The following TLCD2 variants were observed in gnomAD, a reference collection of about 807,000 sequenced individuals.
The protein encoded by TLCD2 is TLC domain containing 2.
In TLCD2, 12 loss-of-function variants were observed where a neutral mutation model predicts 14.0. The observed-to-expected ratio is 0.86, with a 90% CI of 0.55 to 1.39. The LOEUF (loss-of-function observed/expected upper bound fraction) is 1.39, where lower values mean the gene tolerates loss of function less well. TLCD2 is among the 40% of genes most tolerant of loss of function. The pLI is 0.00. For synonymous variants in TLCD2, 166 were observed against 156.5 expected, an observed-to-expected ratio of 1.06 and a Z score of -0.45; for missense variants, 360 against 346.8, an observed-to-expected ratio of 1.04 and a Z score of -0.30.
Position 1,710,270 on chromosome 17 carries a change from G to A in TLCD2, c.-28C>T. 1 of 1,453,842 alleles carries A rather than the reference G, an allele frequency of 6.9e-7. No homozygotes were observed. Among genetic ancestry groups the A allele is most frequent in the South Asian group, 1.4e-5 (1 of 73,452 alleles). The allele number at this position is 1,453,842 out of a possible 1,614,324, so 90.1% of individuals were successfully genotyped here. A position where few individuals can be genotyped will look rare whatever the true frequency, so the allele number is the denominator to read the frequency against. ...CCTGGCGGTTGGGGGGTTGCGGGGAGTCCGGGTCGGTCCCCTCGGCGCCCG... is the reference window on the plus strand; with the variant it reads ...CCTGGCGGTTGGGGGGTTGCGGGGAATCCGGGTCGGTCCCCTCGGCGCCCG... On this transcript the variant is annotated 5_prime_UTR_variant, in exon 1 of 4. Coordinates refer to ENST00000330676, the MANE Select transcript of TLCD2 (RefSeq NM_001164407.2). The surrounding 1 kb of genome is among the most constrained non-coding windows in gnomAD (Gnocchi z 6.1).
Position 1,709,890 on chromosome 17 carries a change from G to A in TLCD2, c.177-4C>T, listed in dbSNP as rs1306219192. The A allele has an allele frequency of 6.5e-7, 1 of 1,528,256 alleles. No individual in the cohort carries two copies. Among genetic ancestry groups the A allele is most frequent in the African/African-American group, 1.4e-5 (1 of 71,834 alleles). The allele number at this position is 1,528,256 out of a possible 1,614,324, so 94.7% of individuals were successfully genotyped here. On this transcript the variant is annotated splice_polypyrimidine_tract_variant and splice_region_variant and intron_variant, in intron 1 of 3. Coordinates refer to ENST00000330676, the MANE Select transcript of TLCD2 (RefSeq NM_001164407.2). The stretch of plus-strand genomic sequence containing the variant: ...CATCTGAGGGTACAGTGACAGGCTG[G>A]GGGCATGGGGTGGGGACATGGGGGG...
rs746555066 is a variant in TLCD2 at position 1,705,015 on chromosome 17, T to C, written c.*2755A>G. 5 of 152,094 alleles carry C rather than the reference T, an allele frequency of 3.3e-5. No homozygotes were observed. The highest frequency in any genetic ancestry group is 7.3e-5 in the Non-Finnish European group (5 of 68,054). The allele number at this position is 152,094 out of a possible 1,614,324, so 9.4% of individuals were successfully genotyped here. A position where few individuals can be genotyped will look rare whatever the true frequency, so the allele number is the denominator to read the frequency against. On this transcript the variant is annotated 3_prime_UTR_variant, in exon 4 of 4. Transcript: ENST00000330676. ...CCATGCCCAGCCTGGATATTTAAAT[T>C]GTTCTGTGCTCTCCTCCTTTTTTTT...
At position 1,710,127 on chromosome 17, in the gene TLCD2, C is replaced by T; in HGVS notation, c.116G>A (p.Trp39Ter). 2 of 1,533,592 alleles carry T rather than the reference C, an allele frequency of 1.3e-6. No individual in the cohort carries two copies. The highest frequency in any genetic ancestry group is 1.2e-5 in the South Asian group (1 of 83,970). 95.0% of individuals were successfully genotyped at this position (1,533,592 alleles called of 1,614,324 possible). ...CGCCAGGGAGACGCAGAGGTTCCAC[C>T]ACTGCCAGCGGTCCCGAGCGGCCGA... is the stretch of plus-strand genomic sequence containing the variant. Reference protein sequence around the residue: ...PESAARDRWQWWNLCVSLAHS... With the variant: ...PESAARDRWQ The change falls in exon 1 of 4, where the codon TGG becomes TAG. Residue 39 changes from tryptophan (W) to a stop codon, truncating the protein, a stop_gained. Coordinates refer to ENST00000330676, the MANE Select transcript of TLCD2 (RefSeq NM_001164407.2). LOFTEE classifies it high-confidence loss of function. The surrounding 1 kb of genome is among the most constrained non-coding windows in gnomAD (Gnocchi z 6.1).
chr17:1,709,413 AAAAG>A (rs1914145321), intron 3 of TLCD2, 82 bp downstream of exon 3: 2 of 845,846 alleles, frequency 2.4e-6, no homozygotes, highest in Non-Finnish European at 1.8e-6. Flanking sequence ...AAAAAAAAAA[AAAAG>A]AATGAGGAGA....
chr17:1,709,905 G>A lies in TLCD2; in HGVS notation c.177-19C>T. 2 of 1,038,654 alleles carry A rather than the reference G, an allele frequency of 1.9e-6. No homozygotes were observed. The highest frequency in any genetic ancestry group is 1.4e-5 in the South Asian group (1 of 72,124). 64.3% of individuals were successfully genotyped at this position (1,038,654 alleles called of 1,614,324 possible). A position where few individuals can be genotyped will look rare whatever the true frequency, so the allele number is the denominator to read the frequency against. ...TGACAGGCTGGGGGCATGGGGTGGG[G>A]ACATGGGGGGGGGCATGGTCAGCCT... is the stretch of plus-strand genomic sequence containing the variant. On this transcript the variant is annotated intron_variant, in intron 1 of 3. Transcript: ENST00000330676.
chr17:1,709,757 C>T (rs1243156839), intron 2 of TLCD2, 47 bp downstream of exon 2: 11 of 1,342,084 alleles, frequency 8.2e-6, no homozygotes, highest in Admixed American at 2.0e-5. Flanking sequence ...CAGAACCTGC[C>T]CCCCGCCCCA....
At position 1,710,132 on chromosome 17, in the gene TLCD2, C is replaced by A. The variant is rs1283650982; in HGVS notation, c.111G>T (p.Trp37Cys). The A allele has an allele frequency of 6.5e-7, 1 of 1,533,512 alleles. No individual in the cohort carries two copies. Among genetic ancestry groups the A allele is most frequent in the Non-Finnish European group, 8.7e-7 (1 of 1,146,332 alleles). 95.0% of individuals were successfully genotyped at this position (1,533,512 alleles called of 1,614,324 possible). ...GGGAGACGCAGAGGTTCCACCACTG[C>A]CAGCGGTCCCGAGCGGCCGATTCCG... ...PTPESAARDR[W>C]QWWNLCVSLA... The change falls in exon 1 of 4, where the codon TGG (tryptophan) becomes TGT (cysteine). Residue 37 changes from tryptophan (W) to cysteine (C), a missense_variant. Coordinates refer to ENST00000330676, the MANE Select transcript of TLCD2 (RefSeq NM_001164407.2). The surrounding 1 kb of genome is among the most constrained non-coding windows in gnomAD (Gnocchi z 6.1).
At chr17:1,709,918 G>A in intron 1 of TLCD2, 32 bp from the exon 2 acceptor site, 3 of 1,494,912 alleles carry the variant, frequency 2.0e-6, no homozygotes, top group Non-Finnish European at 1.8e-6. Context: ...ATGGGGGGGG[G>A]CATGGTCAGC....
At chr17:1,708,525 C>T (rs988967756) in intron 3 of TLCD2, among the ~76,000 whole-genome samples, 6 of 145,774 alleles carry the variant, frequency 4.1e-5, no homozygotes, top group Admixed American at 3.5e-4. Flanking sequence ...TCTCACTCTG[C>T]CACCAGGCTG....
At position 1,710,282 on chromosome 17, in the gene TLCD2, C is replaced by T; in HGVS notation, c.-40G>A. 4 of 1,424,850 alleles carry T rather than the reference C, an allele frequency of 2.8e-6. No individual in the cohort carries two copies. Among genetic ancestry groups the T allele is most frequent in the Non-Finnish European group, 3.6e-6 (4 of 1,097,000 alleles). 88.3% of individuals were successfully genotyped at this position (1,424,850 alleles called of 1,614,324 possible). A position where few individuals can be genotyped will look rare whatever the true frequency, so the allele number is the denominator to read the frequency against. On this transcript the variant is annotated 5_prime_UTR_variant, in exon 1 of 4. Transcript: ENST00000330676. The surrounding 1 kb of genome is among the most constrained non-coding windows in gnomAD (Gnocchi z 6.1). ...GGGGTTGCGGGGAGTCCGGGTCGGT[C>T]CCCTCGGCGCCCGCGCTCTCGGCCG... is the stretch of plus-strand genomic sequence containing the variant.
intron 2 of TLCD2, 111 bp downstream of exon 2, chr17:1,709,693 G>A (rs931881090): frequency 3.5e-6 from 3 of 853,996 alleles, no homozygotes; most frequent in Non-Finnish European, 5.1e-6. Flanking sequence ...CCTTGGTAAA[G>A]CCTTCAGGAA....
chr17:1,703,278 C>T lies in TLCD2; in HGVS notation c.*4492G>A, dbSNP rs993236636. 1 of 152,208 alleles carries T rather than the reference C, an allele frequency of 6.6e-6. No homozygotes were observed. The highest frequency in any genetic ancestry group is 1.5e-5 in the Non-Finnish European group (1 of 68,056). 9.4% of individuals were successfully genotyped at this position (152,208 alleles called of 1,614,324 possible). A position where few individuals can be genotyped will look rare whatever the true frequency, so the allele number is the denominator to read the frequency against. On this transcript the variant is annotated 3_prime_UTR_variant, in exon 4 of 4. Coordinates refer to ENST00000330676, the MANE Select transcript of TLCD2 (RefSeq NM_001164407.2). The stretch of plus-strand genomic sequence containing the variant: ...AATTCTTCCAAGCGTCCACTACATC[C>T]TGCCCCACCTGGGAGCTGACCTCAC...
Position 1,707,511 on chromosome 17 carries a change from T to C in TLCD2, c.*259A>G, listed in dbSNP as rs1186496586. The C allele has an allele frequency of 1.9e-5, 9 of 476,140 alleles. No homozygotes were observed. The highest frequency in any genetic ancestry group is 3.8e-5 in the Admixed American group (1 of 26,200). 29.5% of individuals were successfully genotyped at this position (476,140 alleles called of 1,614,324 possible). A position where few individuals can be genotyped will look rare whatever the true frequency, so the allele number is the denominator to read the frequency against. On this transcript the variant is annotated 3_prime_UTR_variant, in exon 4 of 4. Transcript: ENST00000330676. ...CACCCTTTACTGATAGCTCTAGCTG[T>C]ACCTCTTGAGTTTATTTGCTGGAAA...
rs1159233496 is a variant in TLCD2, at chr17:1,709,572, A to G, written c.269T>C (p.Leu90Pro). 1 of 1,536,988 alleles carries G rather than the reference A, an allele frequency of 6.5e-7. No homozygotes were observed. Among genetic ancestry groups the G allele is most frequent in the Non-Finnish European group, 8.7e-7 (1 of 1,146,888 alleles). ...VLVAVSVGYF[L>P]ADGADLLWNQ... is the part of the protein sequence containing the mutation. ...CCACAGCAGGTCAGCTCCGTCTGCC[A>G]GGAAGTAACCTGTGGGCATGGGGGT... The change falls in exon 3 of 4, where the codon CTG (leucine) becomes CCG (proline). Residue 90 changes from leucine (L) to proline (P), a missense_variant. Leu to Pro is a moderately conservative substitution (Grantham distance 98). Coordinates refer to ENST00000330676, the MANE Select transcript of TLCD2 (RefSeq NM_001164407.2).
In TLCD2 at chr17:1,705,143, G is replaced by A. The variant is rs56739786; in HGVS notation, c.*2627C>T. Reference sequence around the variant, plus strand: ...ATCTTCCTACCAGTCTCTGCCGACCGGTTACTGTCAGCCTGTCTTTAGGGT... The same window carrying A: ...ATCTTCCTACCAGTCTCTGCCGACCAGTTACTGTCAGCCTGTCTTTAGGGT... On this transcript the variant is annotated 3_prime_UTR_variant, in exon 4 of 4. Coordinates refer to ENST00000330676, the MANE Select transcript of TLCD2 (RefSeq NM_001164407.2). The A allele has an allele frequency of 0.014, 2,076 of 152,218 alleles. 44 individuals carry two copies. The highest frequency in any genetic ancestry group is 0.048 in the African/African-American group (1,985 of 41,480). 9.4% of individuals were successfully genotyped at this position (152,218 alleles called of 1,614,324 possible). A position where few individuals can be genotyped will look rare whatever the true frequency, so the allele number is the denominator to read the frequency against.
rs1169468478 is a variant in TLCD2 at position 1,707,201 on chromosome 17, G to A, written c.*569C>T. ...AAGAAAAAGAAAAAGAAAAACAGGAGTGTGGCTTTGAGAACCAGAAACATC... is the reference window on the plus strand; with the variant it reads ...AAGAAAAAGAAAAAGAAAAACAGGAATGTGGCTTTGAGAACCAGAAACATC... On this transcript the variant is annotated 3_prime_UTR_variant, in exon 4 of 4. Coordinates refer to ENST00000330676, the MANE Select transcript of TLCD2 (RefSeq NM_001164407.2). 1 of 152,570 alleles carries A rather than the reference G, an allele frequency of 6.6e-6. No individual in the cohort carries two copies. Among genetic ancestry groups the A allele is most frequent in the Non-Finnish European group, 1.5e-5 (1 of 68,378 alleles). 9.5% of individuals were successfully genotyped at this position (152,570 alleles called of 1,614,324 possible).
chr17:1,708,251 A>AC (rs1307828630), intron 3 of TLCD2, 29 bp from the exon 4 acceptor site: 52 of 1,479,280 alleles, frequency 3.5e-5, no homozygotes, highest in Non-Finnish European at 4.5e-5. Context: ...GGTCAGAGGA[A>AC]CCCCATGACC....
Position 1,710,187 on chromosome 17 carries a change from A to G in TLCD2, c.56T>C (p.Leu19Pro). 1 of 1,530,134 alleles carries G rather than the reference A, an allele frequency of 6.5e-7. No homozygotes were observed. The highest frequency in any genetic ancestry group is 8.7e-7 in the Non-Finnish European group (1 of 1,144,940). The allele number at this position is 1,530,134 out of a possible 1,614,324, so 94.8% of individuals were successfully genotyped here. ...AGASFLAFRG[L>P]HWGLRRLPTP... is the part of the protein sequence containing the mutation. ...GGGCAGCCGCCGCAACCCCCAGTGC[A>G]GCCCCCGGAACGCGAGGAAGGAGGC... The change falls in exon 1 of 4, where the codon CTG becomes CCG. Residue 19 changes from leucine to proline, a missense_variant. Transcript: ENST00000330676. This position sits in a 1 kb window ranked among gnomAD's most constrained non-coding sequence, Gnocchi z 6.1.
chr17:1,707,881 C>G lies in TLCD2; in HGVS notation c.684G>C (p.Gln228His). The change falls in exon 4 of 4, where the codon CAG becomes CAC. Residue 228 changes from glutamine (Q) to histidine (H), a missense_variant. By Grantham distance (24) the Gln-to-His change is conservative. Transcript: ENST00000330676. ...GIRILVNDVL[Q>H]SRPHPPSPGH... ...CAGGGCTGGGTGGATGGGGTCGAGA[C>G]TGTAGGACATCATTGACCAGAATAC... The G allele has an allele frequency of 1.3e-6, 2 of 1,537,318 alleles. No individual in the cohort carries two copies. Among genetic ancestry groups the G allele is most frequent in the Non-Finnish European group, 1.7e-6 (2 of 1,146,932 alleles).
Sources: allele counts gnomAD v4.1 joint callset (sites outside exome capture counted in the v4.1 genomes callset), GRCh38; gene constraint gnomAD v4.1.1; non-coding constraint Gnocchi (gnomAD v3.1); transcripts MANE v1.5; gene names NCBI Gene and HGNC (gene_info 2026-07-23, HGNC 2026-07-21).